FHIP1A: variants seen among roughly 807,000 people sequenced by gnomAD.
FHIP1A encodes FHF complex subunit HOOK-interacting protein 1A.
FHIP1A carries 61 observed loss-of-function variants against 88.6 expected under a neutral mutation model. The ratio of observed to expected loss-of-function variants is 0.69; its 90% CI spans 0.56 to 0.85. The LOEUF (loss-of-function observed/expected upper bound fraction) is 0.85. Ranked by LOEUF, FHIP1A falls within the 40% of genes least tolerant of loss-of-function variation. The pLI, the probability that FHIP1A is intolerant of heterozygous loss-of-function variation, is 0.00. For missense variants in FHIP1A, 1,154 were observed against 1,273.5 expected (o/e 0.91, Z 1.43); for synonymous variants, 478 against 496.0 (o/e 0.96, Z 0.48).
intron 1 of FHIP1A, among the ~76,000 whole-genome samples, chr4:151,421,666 C>T (rs1298667074): frequency 2.0e-5 from 3 of 151,536 alleles, no homozygotes; most frequent in Admixed American, 6.6e-5. Context: ...CCCTTCCCTC[C>T]CCCGAATCTC....
chr4:151,570,488 C>T (rs897411352), intron 4 of FHIP1A, among the ~76,000 whole-genome samples: 2 of 152,110 alleles, frequency 1.3e-5, no homozygotes, highest in African/African-American at 4.8e-5. Flanking sequence ...CTATGTTGCA[C>T]TGGAGCGCAG....
chr4:151,606,859 C>T (rs147634591), intron 7 of FHIP1A, among the ~76,000 whole-genome samples: 2 of 152,330 alleles, frequency 1.3e-5, no homozygotes, highest in African/African-American at 4.8e-5. Context: ...TATGTGCCCA[C>T]CTCAGCCCAC....
intron 9 of FHIP1A, among the ~76,000 whole-genome samples, chr4:151,641,784 T>C (rs1188124959): frequency 6.6e-6 from 1 of 152,246 alleles, no homozygotes; most frequent in Admixed American, 6.5e-5. Context: ...CTTCAAGTCA[T>C]TTAAACATTA....
intron 3 of FHIP1A, among the ~76,000 whole-genome samples, chr4:151,510,047 C>T (rs2126676208): frequency 6.6e-6 from 1 of 152,258 alleles, no homozygotes; most frequent in South Asian, 2.1e-4. Context: ...TGCCTGCAAA[C>T]TTCCTGCTGC....
At chr4:151,635,029 GT>G (rs1736297953) in intron 8 of FHIP1A, among the ~76,000 whole-genome samples, 1 of 151,658 alleles carries the variant, frequency 6.6e-6, no homozygotes, top group Admixed American at 6.6e-5. Flanking sequence ...TATATAAAAA[GT>G]TCTGTAACTC....
intron 2 of FHIP1A, among the ~76,000 whole-genome samples, chr4:151,468,003 A>G (rs1363218912): frequency 1.5e-5 from 2 of 133,270 alleles, no homozygotes; most frequent in South Asian, 2.2e-4. Flanking sequence ...AAAAAAAAAA[A>G]GCCGGGCATG....
At chr4:151,501,555 GA>G (rs1730648371) in intron 3 of FHIP1A, among the ~76,000 whole-genome samples, 1 of 145,870 alleles carries the variant, frequency 6.9e-6, no homozygotes, top group African/African-American at 2.5e-5. Flanking sequence ...GATAATCAAA[GA>G]AATTTTTTTG....
intron 2 of FHIP1A, among the ~76,000 whole-genome samples, chr4:151,463,738 C>T (rs1333418237): frequency 2.0e-5 from 3 of 152,150 alleles, no homozygotes; most frequent in Non-Finnish European, 2.9e-5. Flanking sequence ...ATGACAATAC[C>T]GAGCATGTGG....
At chr4:151,432,878 G>A (rs1733644343) in intron 1 of FHIP1A, among the ~76,000 whole-genome samples, 1 of 152,110 alleles carries the variant, frequency 6.6e-6, no homozygotes, top group African/African-American at 2.4e-5. Context: ...GCAGGGGGAG[G>A]GAGAGAGGAG....
chr4:151,638,315 TTG>T (rs146664249), intron 8 of FHIP1A, among the ~76,000 whole-genome samples: 189 of 143,520 alleles, frequency 1.3e-3, no homozygotes, highest in Admixed American at 2.7e-3. Context: ...AAATAGGAGA[TTG>T]TGTGTGTGTG....
chr4:151,609,833 A>G (rs529321643), intron 7 of FHIP1A, among the ~76,000 whole-genome samples: 5 of 152,212 alleles, frequency 3.3e-5, no homozygotes, highest in Non-Finnish European at 7.3e-5. Context: ...AGCCAACTTC[A>G]TAGTATCTTG....
chr4:151,584,361 G>A (rs184651495), intron 5 of FHIP1A, among the ~76,000 whole-genome samples: 35 of 152,326 alleles, frequency 2.3e-4, no homozygotes, highest in African/African-American at 6.5e-4. Flanking sequence ...TTGCTACACA[G>A]AGGGATACAG....
At chr4:151,574,714 C>T (rs1347770814) in intron 4 of FHIP1A, among the ~76,000 whole-genome samples, 2 of 152,060 alleles carry the variant, frequency 1.3e-5, no homozygotes, top group African/African-American at 4.8e-5. Flanking sequence ...GAAGGAATAA[C>T]TAATTAACCT....
intron 7 of FHIP1A, among the ~76,000 whole-genome samples, chr4:151,601,984 G>A (rs1734888717): frequency 6.6e-6 from 1 of 151,958 alleles, no homozygotes; most frequent in Admixed American, 6.6e-5. Flanking sequence ...AGCTTGTGCA[G>A]GGAAACTCCT....
chr4:151,425,649 G>A lies in FHIP1A; in HGVS notation c.-356+16184G>A, dbSNP rs141841483. Among the ~76,000 whole-genome samples the A allele has an allele frequency of 4.0e-3, 607 of 152,216 alleles. 6 individuals carry two copies. The highest frequency in any genetic ancestry group is 0.014 in the African/African-American group (567 of 41,540). ...ACAAATTATGTGGATTAGAAAAATA[G>A]TAATTTATTCTGTCATAGTTTTGGA... On this transcript the variant is annotated intron_variant, in intron 1 of 13. Transcript: ENST00000435205.
intron 7 of FHIP1A, among the ~76,000 whole-genome samples, chr4:151,629,294 A>G (rs1254713668): frequency 1.3e-5 from 2 of 152,220 alleles, no homozygotes; most frequent in Non-Finnish European, 2.9e-5. Flanking sequence ...ACAGGTCCCA[A>G]TAAATGTTTA....
intron 3 of FHIP1A, among the ~76,000 whole-genome samples, chr4:151,502,157 G>GA (rs370065238): frequency 0.19 from 21,301 of 114,120 alleles, 1,996 homozygotes; most frequent in African/African-American, 0.3. Flanking sequence ...CTCTACAAAA[G>GA]AAAAAAAAAA....
chr4:151,661,107 G>A (rs1185948513), intron 13 of FHIP1A, among the ~76,000 whole-genome samples: 1 of 151,268 alleles, frequency 6.6e-6, no homozygotes, highest in Non-Finnish European at 1.5e-5. Context: ...CGGTCTGGGA[G>A]TAGGTCCATG....
intron 7 of FHIP1A, among the ~76,000 whole-genome samples, chr4:151,613,880 A>C (rs1489778798): frequency 6.6e-6 from 1 of 152,194 alleles, no homozygotes; most frequent in Non-Finnish European, 1.5e-5. Flanking sequence ...AATGTTTTGC[A>C]GGCTGGATGC....
Sources: gnomAD v4.1 joint callset for allele counts (sites outside exome capture counted in the v4.1 genomes callset) on GRCh38, gnomAD v4.1.1 for gene constraint, MANE v1.5 for transcripts, NCBI Gene and HGNC (gene_info 2026-07-23, HGNC 2026-07-21) for gene names.